CFAP92: variants seen among roughly 807,000 people sequenced by gnomAD.
CFAP92 encodes the protein cilia and flagella associated protein 92 (putative), also known as uncharacterized protein CFAP92.
CFAP92 carries 86 observed loss-of-function variants against 106.3 expected under a neutral mutation model. The ratio of observed to expected loss-of-function variants is 0.81; its 90% CI spans 0.68 to 0.97. CFAP92 has a LOEUF of 0.97. CFAP92 is among the 50% of genes least tolerant of loss of function. CFAP92 has a pLI of 0.00. For synonymous variants in CFAP92, 477 were observed against 506.4 expected, an observed-to-expected ratio of 0.94 and a Z score of 0.78; for missense variants, 1,204 against 1,283.8, an observed-to-expected ratio of 0.94 and a Z score of 0.95.
At chr3:128,979,461 A>C (rs1159830229) in intron 4 of CFAP92, among the ~76,000 whole-genome samples, 1 of 152,236 alleles carries the variant, frequency 6.6e-6, no homozygotes. Context: ...TACCCAAAGG[A>C]TTATAAATCA....
At position 128,977,029 on chromosome 3, in the gene CFAP92, G is replaced by A; in HGVS notation, c.846C>T (p.Asn282=). The A allele has an allele frequency of 1.2e-6, 2 of 1,613,854 alleles. No individual in the cohort carries two copies. Among genetic ancestry groups the A allele is most frequent in the Non-Finnish European group, 1.7e-6 (2 of 1,179,836 alleles). ...HQAEPETSSK[N]SEEYEKSLKM... ...TGAGGGACTTCTCATATTCCTCACT[G>A]TTCTTGGAAGAAGTTTCGGGCTCTG... The change falls in exon 6 of 16, where the codon AAC becomes AAT. Residue 282 remains asparagine, a synonymous_variant. Coordinates refer to ENST00000645291, the MANE Select transcript of CFAP92 (RefSeq NM_001394090.1).
chr3:129,022,445 C>T, the CFAP92 span, among the ~76,000 whole-genome samples: 1 of 152,294 alleles, frequency 6.6e-6, no homozygotes, highest in East Asian at 1.9e-4. Flanking sequence ...AGCCAGGAGC[C>T]AGGAGTGGCC....
intron 1 of CFAP92, chr3:129,001,992 GACT>G: frequency 1.3e-6 from 2 of 1,545,856 alleles, no homozygotes; most frequent in Non-Finnish European, 1.7e-6. Context: ...CACGGACGGG[GACT>G]CAGATACCGA....
At position 128,912,659 on chromosome 3, in the gene CFAP92, C is replaced by T. The variant is rs760907010; in HGVS notation, c.3281-2326G>A. ...GCCCGCCCCTACCCATGGCCCGTTG[C>T]TGGATGACTGTTACTCTTTTTTCAG... On this transcript the variant is annotated intron_variant, in intron 15 of 15. Coordinates refer to ENST00000645291, the MANE Select transcript of CFAP92 (RefSeq NM_001394090.1). 5 of 1,427,364 alleles carry T rather than the reference C, an allele frequency of 3.5e-6. No homozygotes were observed. In the South Asian group the frequency reaches 4.6e-5, roughly 13 times the overall value. 88.4% of individuals were successfully genotyped at this position (1,427,364 alleles called of 1,614,324 possible).
At chr3:128,910,890 C>T in intron 15 of CFAP92, 1 of 1,529,416 alleles carries the variant, frequency 6.5e-7, no homozygotes, top group Non-Finnish European at 9.1e-7. Flanking sequence ...TTTCTGGACC[C>T]TGTCAAGCTC....
At chr3:128,926,210 C>T (rs1358980675) in intron 12 of CFAP92, among the ~76,000 whole-genome samples, 1 of 151,410 alleles carries the variant, frequency 6.6e-6, no homozygotes, top group Non-Finnish European at 1.5e-5. Flanking sequence ...GAGAGACAGA[C>T]ATTAAAGCCT....
intron 7 of CFAP92, among the ~76,000 whole-genome samples, chr3:128,972,024 G>C (rs1333694159): frequency 6.6e-6 from 1 of 152,224 alleles, no homozygotes; most frequent in Non-Finnish European, 1.5e-5. Context: ...GAAAGCCCAG[G>C]AACAGACCCA....
At position 128,927,356 on chromosome 3, in the gene CFAP92, A is replaced by T. The variant is rs1016344704; in HGVS notation, c.2751+5344T>A. Among the ~76,000 whole-genome samples the T allele has an allele frequency of 4.6e-5, 7 of 152,136 alleles. No individual in the cohort carries two copies. In the East Asian group the frequency reaches 1.3e-3, roughly 29 times the overall value. ...AGGAAGAGTATCCAGATTGGAAAAG[A>T]AAATGACCTTTCTTCACAGATGACG... On this transcript the variant is annotated intron_variant, in intron 12 of 15. Coordinates refer to ENST00000645291, the MANE Select transcript of CFAP92 (RefSeq NM_001394090.1).
chr3:128,947,131 A>G (rs1232204028), intron 9 of CFAP92, among the ~76,000 whole-genome samples: 3 of 152,144 alleles, frequency 2.0e-5, no homozygotes, highest in East Asian at 3.8e-4. Flanking sequence ...AGAAGCAATC[A>G]GATCCCTAGG....
intron 2 of CFAP92, among the ~76,000 whole-genome samples, chr3:128,989,969 CA>C (rs1426060121): frequency 1.3e-5 from 2 of 152,194 alleles, no homozygotes; most frequent in Middle Eastern, 3.2e-3. Flanking sequence ...CAATATCTAT[CA>C]AAAACTATTA....
intron 9 of CFAP92, among the ~76,000 whole-genome samples, chr3:128,959,727 A>G (rs1324792181): frequency 6.6e-6 from 1 of 152,214 alleles, no homozygotes; most frequent in Non-Finnish European, 1.5e-5. Flanking sequence ...GCATAGTAGG[A>G]GACCTCAGGA....
intron 1 of CFAP92, 110 bp downstream of exon 1, chr3:128,993,870 G>A: frequency 2.4e-6 from 2 of 843,248 alleles, no homozygotes; most frequent in South Asian, 5.1e-5. Context: ...CGGAACGCCG[G>A]GCAAACGCCG....
chr3:129,016,450 T>C, the CFAP92 span, among the ~76,000 whole-genome samples: 1 of 151,770 alleles, frequency 6.6e-6, no homozygotes, highest in African/African-American at 2.4e-5. Context: ...TAAGCAAGCC[T>C]GAAGTCCACA....
At chr3:128,964,936 C>T (rs909179112) in intron 9 of CFAP92, among the ~76,000 whole-genome samples, 8 of 152,208 alleles carry the variant, frequency 5.3e-5, no homozygotes, top group Admixed American at 3.3e-4. Flanking sequence ...TTTTATTTGT[C>T]TTATTAATAT....
intron 11 of CFAP92, 134 bp from the exon 12 acceptor site, chr3:128,933,131 A>G: frequency 1.3e-6 from 1 of 799,602 alleles, no homozygotes; most frequent in Non-Finnish European, 2.0e-6. Flanking sequence ...TTGTGACTAA[A>G]GAGCTCCAAT....
the CFAP92 span, among the ~76,000 whole-genome samples, chr3:129,023,996 G>A: frequency 6.6e-6 from 1 of 152,172 alleles, no homozygotes; most frequent in East Asian, 1.9e-4. Flanking sequence ...CCCAGGCTCT[G>A]GTCTTGTCCC....
At chr3:129,016,497 C>T in the CFAP92 span, among the ~76,000 whole-genome samples, 12 of 151,166 alleles carry the variant, frequency 7.9e-5, 1 homozygote, top group South Asian at 1.5e-3. Flanking sequence ...CTCATGGGCA[C>T]GCCCGTGTCT....
At chr3:129,012,507 A>T in the CFAP92 span, among the ~76,000 whole-genome samples, 2 of 152,128 alleles carry the variant, frequency 1.3e-5, no homozygotes, top group African/African-American at 4.8e-5. Flanking sequence ...ATGACTTTCC[A>T]AATTCTGTGA....
At position 128,945,107 on chromosome 3, in the gene CFAP92, T is replaced by C. The variant is rs1448742611; in HGVS notation, c.2222A>G (p.Gln741Arg). The change falls in exon 10 of 16, where the codon CAA becomes CGA. Residue 741 changes from glutamine to arginine, a missense_variant. Gln to Arg is a conservative substitution (Grantham distance 43, BLOSUM62 1). Coordinates refer to ENST00000645291, the MANE Select transcript of CFAP92 (RefSeq NM_001394090.1). ...GTTCTCCCACAGCTGCCTCAAGCCT[T>C]GGTCGGCCAGGCCTTCCAGGATGAA... ...HLFILEGLAD[Q>R]GLRQLWENHQ... The C allele has an allele frequency of 6.5e-7, 1 of 1,533,650 alleles. No homozygotes were observed. The highest frequency in any genetic ancestry group is 8.7e-7 in the Non-Finnish European group (1 of 1,145,164).
Sources: allele counts gnomAD v4.1 joint callset (sites outside exome capture counted in the v4.1 genomes callset), GRCh38; gene constraint gnomAD v4.1.1; transcripts MANE v1.5; gene names NCBI Gene and HGNC (gene_info 2026-07-23, HGNC 2026-07-21).